The following PLGRKT variants were observed in gnomAD, a reference collection of about 807,000 sequenced individuals.
The protein encoded by PLGRKT is plasminogen receptor with a C-terminal lysine.
PLGRKT carries 22 observed loss-of-function variants against 18.5 expected under a neutral mutation model. The observed-to-expected ratio is 1.19, with a 90% CI of 0.85 to 1.70. The LOEUF (loss-of-function observed/expected upper bound fraction) is 1.70, where lower values mean the gene tolerates loss of function less well. Among genes scored for constraint, PLGRKT ranks in the 40% most tolerant of loss-of-function variants. The probability of loss-of-function intolerance (pLI) is 0.00; values close to 1 mark genes in which losing one functional copy is unlikely to be tolerated. For missense variants in PLGRKT, 235 were observed against 174.4 expected (o/e 1.35, Z -1.96); for synonymous variants, 72 against 52.8 (o/e 1.36, Z -1.58).
At chr9:5,408,031 A>G (rs1406618841) in intron 3 of PLGRKT, among the ~76,000 whole-genome samples, 1 of 152,230 alleles carries the variant, frequency 6.6e-6, no homozygotes, top group Non-Finnish European at 1.5e-5. Flanking sequence ...GAAGCCCACC[A>G]AAGACATGTA....
chr9:5,418,252 G>C lies in PLGRKT; in HGVS notation c.81+13645C>G, dbSNP rs1223448176. 5.1e-6 allele frequency: 2 copies of C among 395,716 alleles called. No homozygotes were observed. Among genetic ancestry groups the C allele is most frequent in the African/African-American group, 4.1e-5 (2 of 48,332 alleles). 24.5% of individuals were successfully genotyped at this position (395,716 alleles called of 1,614,324 possible). The stretch of plus-strand genomic sequence containing the variant: ...CGGTAAATCAAGAGGCAAACCAGAG[G>C]CCAGCTCTCAGCACCAAATGGTCAG... On this transcript the variant is annotated intron_variant, in intron 3 of 5. Transcript: ENST00000223864. The surrounding 1 kb of genome is among the most constrained non-coding windows in gnomAD (Gnocchi z 4.2).
chr9:5,359,178 T>A (rs2065097), intron 5 of PLGRKT, among the ~76,000 whole-genome samples: 2,036 of 152,094 alleles, frequency 0.013, 65 homozygotes, highest in African/African-American at 0.047. Context: ...TTCTTGTACC[T>A]CAGCCTCCTG....
In PLGRKT at chr9:5,436,710, T is replaced by C. The variant is rs536666261; in HGVS notation, c.-132-16A>G. On this transcript the variant is annotated splice_polypyrimidine_tract_variant and intron_variant, in intron 1 of 5. Coordinates refer to ENST00000223864, the MANE Select transcript of PLGRKT (RefSeq NM_018465.4). ...GAAACCACACCTGAGAATAAATAAATGCATCACACCTTGTAAATTTCACCC... is the reference window on the plus strand; with the variant it reads ...GAAACCACACCTGAGAATAAATAAACGCATCACACCTTGTAAATTTCACCC... 1 of 152,314 alleles carries C rather than the reference T, an allele frequency of 6.6e-6. No homozygotes were observed. The highest frequency in any genetic ancestry group is 6.5e-5 in the Admixed American group (1 of 15,304). 9.4% of individuals were successfully genotyped at this position (152,314 alleles called of 1,614,324 possible). A position where few individuals can be genotyped will look rare whatever the true frequency, so the allele number is the denominator to read the frequency against.
chr9:5,392,495 G>C, intron 3 of PLGRKT: 1 of 151,734 alleles, frequency 6.6e-6, no homozygotes, highest in Non-Finnish European at 1.5e-5. Context: ...AGCATGTCTC[G>C]GCTTTTGCAT....
At chr9:5,402,729 A>C (rs1375941250) in intron 3 of PLGRKT, among the ~76,000 whole-genome samples, 1 of 152,018 alleles carries the variant, frequency 6.6e-6, no homozygotes, top group Non-Finnish European at 1.5e-5. Context: ...TAGTGATCTG[A>C]ATCAGCATGA....
chr9:5,375,434 T>A (rs1213537789), intron 3 of PLGRKT, among the ~76,000 whole-genome samples: 2 of 152,134 alleles, frequency 1.3e-5, no homozygotes, highest in Non-Finnish European at 1.5e-5. Flanking sequence ...ACAATTAGTG[T>A]GCCCAGTATC....
chr9:5,406,187 G>A (rs1325315444), intron 3 of PLGRKT, among the ~76,000 whole-genome samples: 2 of 152,182 alleles, frequency 1.3e-5, no homozygotes, highest in African/African-American at 4.8e-5. Context: ...CAACCTTTGT[G>A]GAAGACAGTA....
intron 3 of PLGRKT, among the ~76,000 whole-genome samples, chr9:5,385,436 T>A (rs1334860531): frequency 6.6e-6 from 1 of 151,382 alleles, no homozygotes; most frequent in Non-Finnish European, 1.5e-5. Context: ...GACCTCATGA[T>A]CCTCCTGCCT....
chr9:5,437,175 G>C (rs1054095604), intron 1 of PLGRKT, among the ~76,000 whole-genome samples: 1 of 152,144 alleles, frequency 6.6e-6, no homozygotes, highest in African/African-American at 2.4e-5. Flanking sequence ...CTGGGGAGGA[G>C]AAGTGGTGCC....
At chr9:5,424,668 T>TTATATATATATATGTATATATATA (rs1818655104) in intron 3 of PLGRKT, among the ~76,000 whole-genome samples, 1 of 113,170 alleles carries the variant, frequency 8.8e-6, no homozygotes, top group African/African-American at 4.1e-5. Context: ...ATTATATATT[T>TTATATATATATATGTATATATATA]TATATATATA....
chr9:5,408,391 G>A (rs968869764), intron 3 of PLGRKT, among the ~76,000 whole-genome samples: 1 of 152,236 alleles, frequency 6.6e-6, no homozygotes, highest in Non-Finnish European at 1.5e-5. Context: ...GCTGCACTGT[G>A]CCCCTGCCAA....
chr9:5,424,685 TATATATAC>T (rs869266162), intron 3 of PLGRKT, among the ~76,000 whole-genome samples: 1,759 of 75,126 alleles, frequency 0.023, 91 homozygotes, highest in African/African-American at 0.082. Context: ...TATATATATA[TATATATAC>T]ACACAGGGGG....
At chr9:5,431,246 A>T (rs1295494731) in intron 3 of PLGRKT, among the ~76,000 whole-genome samples, 1 of 152,122 alleles carries the variant, frequency 6.6e-6, no homozygotes, top group Non-Finnish European at 1.5e-5. Flanking sequence ...TTCTCTTATA[A>T]AGACCCTTGT....
At chr9:5,385,279 A>G (rs1262367870) in intron 3 of PLGRKT, among the ~76,000 whole-genome samples, 2 of 151,902 alleles carry the variant, frequency 1.3e-5, no homozygotes, top group Admixed American at 1.3e-4. Context: ...AACTTTCCCA[A>G]TGTTTGTTAT....
At chr9:5,374,211 C>T (rs994367340) in intron 3 of PLGRKT, among the ~76,000 whole-genome samples, 1 of 152,182 alleles carries the variant, frequency 6.6e-6, no homozygotes, top group African/African-American at 2.4e-5. Flanking sequence ...ACTCTTGAAC[C>T]AAGTCTCCTA....
intron 3 of PLGRKT, chr9:5,381,974 C>T: frequency 1.0e-6 from 1 of 985,304 alleles, no homozygotes; most frequent in Non-Finnish European, 1.2e-6. Flanking sequence ...AAGCACAAGG[C>T]ACTCCTCCCC....
chr9:5,435,197 C>T (rs2131185424), intron 2 of PLGRKT, among the ~76,000 whole-genome samples: 1 of 152,216 alleles, frequency 6.6e-6, no homozygotes, highest in East Asian at 1.9e-4. Context: ...CCGCAGGGAC[C>T]TCTGCCTAGG....
chr9:5,379,967 C>A (rs772321057), intron 3 of PLGRKT, among the ~76,000 whole-genome samples: 8 of 152,130 alleles, frequency 5.3e-5, no homozygotes, highest in Non-Finnish European at 1.2e-4. Context: ...TCAATATAAA[C>A]AGTATTTGTA....
intron 3 of PLGRKT, chr9:5,382,006 A>G: frequency 1.0e-6 from 1 of 985,426 alleles, no homozygotes; most frequent in African/African-American, 1.7e-5. Flanking sequence ...CCCAGTCACA[A>G]GACTTAGCAG....
Sources: allele counts gnomAD v4.1 joint callset (sites outside exome capture counted in the v4.1 genomes callset), GRCh38; gene constraint gnomAD v4.1.1; non-coding constraint Gnocchi (gnomAD v3.1); transcripts MANE v1.5; gene names NCBI Gene and HGNC (gene_info 2026-07-23, HGNC 2026-07-21).